The following CDH23 variants were observed in gnomAD, a reference collection of about 807,000 sequenced individuals.
CDH23 encodes the protein cadherin related 23.
Under a neutral mutation model 317.1 loss-of-function variants are expected in CDH23, and 189 were observed. The ratio of observed to expected loss-of-function variants is 0.60; its 90% CI spans 0.53 to 0.67. The LOEUF (loss-of-function observed/expected upper bound fraction) is 0.67. Ranked by LOEUF, CDH23 falls within the 30% of genes least tolerant of loss-of-function variation. The pLI is 0.00. For missense variants in CDH23, 4,401 were observed against 4,592.4 expected, an observed-to-expected ratio of 0.96 and a Z score of 1.20; for synonymous variants, 1,839 against 1,876.8, an observed-to-expected ratio of 0.98 and a Z score of 0.52.
rs1204242976 is a variant in CDH23, at chr10:71,797,234, C to A, written c.6829+14C>A. 1.9e-6 allele frequency: 3 copies of A among 1,568,134 alleles called. No homozygotes were observed. Among genetic ancestry groups the A allele is most frequent in the Non-Finnish European group, 2.6e-6 (3 of 1,142,204 alleles). ...GTGTGCCAAATGGTAAGGTTCCCTG[C>A]AGACATCTCTCATTGGTCACTCAGA... On this transcript the variant is annotated intron_variant, in intron 49 of 69. Coordinates refer to ENST00000224721, the MANE Select transcript of CDH23 (RefSeq NM_022124.6).
intron 28 of CDH23, chr10:71,717,845 A>G (rs559883162): frequency 1.3e-5 from 2 of 152,302 alleles, no homozygotes; most frequent in South Asian, 4.1e-4. Flanking sequence ...TGAAGGCAAG[A>G]AAGAAGAGAG....
At chr10:71,503,574 G>A (rs1490888251) in intron 3 of CDH23, among the ~76,000 whole-genome samples, 1 of 152,170 alleles carries the variant, frequency 6.6e-6, no homozygotes, top group Non-Finnish European at 1.5e-5. Flanking sequence ...TTAGGGATAT[G>A]ACAAGGAATA....
In CDH23 at chr10:71,813,248, C is replaced by T. The variant is rs1313343226; in HGVS notation, c.9638C>T (p.Ser3213Leu). The change falls in exon 69 of 70, where the codon TCG becomes TTG. Residue 3213 changes from serine (S) to leucine (L), a missense_variant. Ser to Leu is a moderately radical substitution (Grantham distance 145). This residue lies in a region of CDH23 where 1,144 missense variants were observed against 1,138.2 expected (regional missense o/e 1.01). Coordinates refer to ENST00000224721, the MANE Select transcript of CDH23 (RefSeq NM_022124.6). ...QIIREGPIKG[S>L]LLKVVLEDYL... Reference sequence around the variant, plus strand: ...TTAACCCTTTCCCTCCCCCAGGGCTCGCTGCTGAAGGTGGTCCTGGAGGAT... The same window carrying T: ...TTAACCCTTTCCCTCCCCCAGGGCTTGCTGCTGAAGGTGGTCCTGGAGGAT... The T allele has an allele frequency of 7.1e-6, 11 of 1,551,498 alleles. No homozygotes were observed. The highest frequency in any genetic ancestry group is 1.7e-4 in the Middle Eastern group (1 of 5,970).
rs138119794 is a variant in CDH23, at chr10:71,787,027, G to A, written c.5820+1289G>A. 3.6e-3 allele frequency among the ~76,000 whole-genome samples: 543 copies of A among 152,284 alleles called. 2 individuals are homozygous for A. Among genetic ancestry groups the A allele is most frequent in the African/African-American group, 0.012 (511 of 41,550 alleles). ...TCTGAGGTGGTGACAGTGCACAGGG[G>A]TACTGGAGGTTCTGAGGTTTGCGAG... On this transcript the variant is annotated intron_variant, in intron 44 of 69. Transcript: ENST00000224721.
chr10:71,645,807 G>C (rs375085534), intron 12 of CDH23, 24 bp from the exon 13 acceptor site: 259 of 1,603,748 alleles, frequency 1.6e-4, no homozygotes, highest in Non-Finnish European at 2.2e-4. Flanking sequence ...TTCCTGACTG[G>C]CTTCTTCTGC....
chr10:71,460,927 C>A (rs16928888), intron 3 of CDH23, among the ~76,000 whole-genome samples: 69 of 152,296 alleles, frequency 4.5e-4, no homozygotes, highest in African/African-American at 1.4e-3. Flanking sequence ...GTCTCCCCGA[C>A]GAGTAGCCCA....
chr10:71,540,188 G>A (rs182183812), intron 6 of CDH23, among the ~76,000 whole-genome samples: 2 of 152,264 alleles, frequency 1.3e-5, no homozygotes, highest in East Asian at 3.9e-4. Flanking sequence ...GCTGGAGGGG[G>A]CCGAGGCTCA....
intron 9 of CDH23, among the ~76,000 whole-genome samples, chr10:71,590,764 G>A (rs1367082475): frequency 6.6e-6 from 1 of 151,708 alleles, no homozygotes; most frequent in East Asian, 1.9e-4. Context: ...TACTCCAGAG[G>A]CTGAGATGGG....
chr10:71,773,548 G>A (rs978741442), intron 38 of CDH23: 6 of 1,124,988 alleles, frequency 5.3e-6, no homozygotes, highest in South Asian at 1.6e-5. Context: ...CGCTGCGGGC[G>A]GCCCCAGCGC....
chr10:71,591,840 G>A (rs949598369), intron 9 of CDH23, among the ~76,000 whole-genome samples: 4 of 152,084 alleles, frequency 2.6e-5, no homozygotes, highest in Non-Finnish European at 5.9e-5. Flanking sequence ...CTCTCTGTTG[G>A]ATGGAATGGC....
intron 14 of CDH23, among the ~76,000 whole-genome samples, chr10:71,652,389 G>C (rs1281839275): frequency 1.3e-5 from 2 of 152,240 alleles, no homozygotes; most frequent in Non-Finnish European, 2.9e-5. Flanking sequence ...TGGGAAAGTA[G>C]TGCCTGCGCA....
chr10:71,702,664 A>G lies in CDH23; in HGVS notation c.2703A>G (p.Glu901=). 1 of 1,613,848 alleles carries G rather than the reference A, an allele frequency of 6.2e-7. No homozygotes were observed. Among genetic ancestry groups the G allele is most frequent in the Non-Finnish European group, 8.5e-7 (1 of 1,179,880 alleles). The part of the protein sequence containing the change: ...QNLPFVAEVL[E]GIPAGVSIYQ... ...TGCCTTTTGTGGCCGAGGTGCTTGA[A>G]GGCATCCCGGCGGGGGTCTCCATCT... Residue 901 remains glutamate (E), a synonymous_variant, in exon 24 of 70, where the codon GAA becomes GAG. Transcript: ENST00000224721.
intron 53 of CDH23, 89 bp downstream of exon 53, chr10:71,800,844 C>G (rs894099244): frequency 2.0e-6 from 3 of 1,535,990 alleles, no homozygotes; most frequent in Non-Finnish European, 2.6e-6. Context: ...CTGCTGCAGA[C>G]TGGGAGCAGA....
chr10:71,544,890 C>T (rs2132297178), intron 6 of CDH23, among the ~76,000 whole-genome samples: 1 of 152,316 alleles, frequency 6.6e-6, no homozygotes, highest in African/African-American at 2.4e-5. Context: ...GTTAGAGAGT[C>T]ATTTTATGGC....
chr10:71,725,413 C>G lies in CDH23; in HGVS notation c.3472C>G (p.Leu1158Val). 1.9e-6 allele frequency: 3 copies of G among 1,614,066 alleles called. No homozygotes were observed. Among genetic ancestry groups the G allele is most frequent in the Non-Finnish European group, 2.5e-6 (3 of 1,179,904 alleles). The change falls in exon 30 of 70, where the codon CTC (leucine) becomes GTC (valine). Residue 1158 changes from leucine to valine, a missense_variant. By Grantham distance (32) the Leu-to-Val change is conservative (BLOSUM62 1). Coordinates refer to ENST00000224721, the MANE Select transcript of CDH23 (RefSeq NM_022124.6). ...NNFRIHVSNG[L>V]LMRGPRPLDR... Reference sequence around the variant, plus strand: ...CTTCCGGATCCATGTCAGCAATGGGCTCCTGATGCGAGGGCCCCGGCCCCT... The same window carrying G: ...CTTCCGGATCCATGTCAGCAATGGGGTCCTGATGCGAGGGCCCCGGCCCCT...
chr10:71,699,367 T>C (rs1865504070), intron 22 of CDH23, among the ~76,000 whole-genome samples: 1 of 152,260 alleles, frequency 6.6e-6, no homozygotes, highest in Admixed American at 6.5e-5. Context: ...CCACAGCACC[T>C]GGAGTCGGAG....
chr10:71,761,836 G>T (rs1242057967), intron 38 of CDH23: 2 of 1,614,114 alleles, frequency 1.2e-6, no homozygotes, highest in East Asian at 2.2e-5. Context: ...GGAACGTGAG[G>T]TTGCGGATGG....
intron 6 of CDH23, among the ~76,000 whole-genome samples, chr10:71,564,835 G>A (rs1857311752): frequency 6.6e-6 from 1 of 152,130 alleles, no homozygotes; most frequent in African/African-American, 2.4e-5. Flanking sequence ...TTTCTTTGTT[G>A]GAAGATTTTT....
intron 9 of CDH23, 116 bp from the exon 10 acceptor site, chr10:71,615,388 A>G: frequency 1.4e-6 from 1 of 723,164 alleles, no homozygotes; most frequent in Non-Finnish European, 2.5e-6. Context: ...CAAGTAACTG[A>G]TGAGTCTTTA....
Sources: gnomAD v4.1 joint callset for allele counts (sites outside exome capture counted in the v4.1 genomes callset) on GRCh38, gnomAD v4.1.1 for gene constraint, gnomAD v4.1.1 regional missense constraint, MANE v1.5 for transcripts, NCBI Gene and HGNC (gene_info 2026-07-23, HGNC 2026-07-21) for gene names.